SPARCL1: variants seen among roughly 807,000 people sequenced by gnomAD.
SPARCL1 encodes the protein SPARC-like protein 1.
Under a neutral mutation model 67.1 loss-of-function variants are expected in SPARCL1, and 52 were observed. That is an observed-to-expected ratio of 0.78 (90% CI 0.62 to 0.98). The LOEUF (loss-of-function observed/expected upper bound fraction) is 0.98. Ranked by LOEUF, SPARCL1 falls within the 50% of genes least tolerant of loss-of-function variation. The pLI is 0.00. For synonymous variants in SPARCL1, 226 were observed against 267.8 expected (o/e 0.84, Z 1.52); for missense variants, 717 against 782.4 (o/e 0.92, Z 1.00).
At chr4:87,493,165 CA>C (rs1457757735) in intron 4 of SPARCL1, among the ~76,000 whole-genome samples, 2 of 152,156 alleles carry the variant, frequency 1.3e-5, no homozygotes, top group African/African-American at 2.4e-5. Context: ...ACTCAAGGGA[CA>C]GGCTGGAAAT....
intron 4 of SPARCL1, 107 bp downstream of exon 4, chr4:87,493,475 T>C: frequency 1.1e-6 from 1 of 927,908 alleles, no homozygotes; most frequent in South Asian, 1.8e-5. Flanking sequence ...TTTAGTAATG[T>C]ACTAGTAGAC....
chr4:87,525,899 T>C (rs1726018380), intron 1 of SPARCL1, among the ~76,000 whole-genome samples: 1 of 152,042 alleles, frequency 6.6e-6, no homozygotes, highest in African/African-American at 2.4e-5. Context: ...TACATTTCAA[T>C]GCTAGGAACA....
chr4:87,514,238 T>C (rs955668829), intron 1 of SPARCL1, among the ~76,000 whole-genome samples: 3 of 152,116 alleles, frequency 2.0e-5, no homozygotes, highest in African/African-American at 7.2e-5. Flanking sequence ...TATTCTCAGG[T>C]AAGAGGTATG....
rs931045414 is a variant in SPARCL1, at chr4:87,477,171, G to T, written c.1966+2259C>A. 2.6e-5 allele frequency among the ~76,000 whole-genome samples: 4 copies of T among 152,360 alleles called. 1 individual carries two copies. The highest frequency in any genetic ancestry group is 2.6e-4 in the Admixed American group (4 of 15,302). ...GAGCTTACACACTGAAGAGCTGCCA[G>T]AAGCTTTGCAAAAGGAAGAATGAGA... On this transcript the variant is annotated intron_variant, in intron 10 of 10. Coordinates refer to ENST00000282470, the MANE Select transcript of SPARCL1 (RefSeq NM_004684.6).
chr4:87,501,464 C>G (rs750836026), intron 1 of SPARCL1, among the ~76,000 whole-genome samples: 1 of 152,038 alleles, frequency 6.6e-6, no homozygotes, highest in Non-Finnish European at 1.5e-5. Context: ...TTACCCTTTA[C>G]TTGATACATA....
At chr4:87,473,891 A>T in intron 10 of SPARCL1, 88 bp from the exon 11 acceptor site, 1 of 867,760 alleles carries the variant, frequency 1.2e-6, no homozygotes, top group Non-Finnish European at 1.9e-6. Context: ...GATTAGAGAA[A>T]CCATCTAATA....
chr4:87,491,874 G>A (rs1349424481), intron 4 of SPARCL1, among the ~76,000 whole-genome samples, 184 bp from the exon 5 acceptor site: 1 of 151,526 alleles, frequency 6.6e-6, no homozygotes, highest in Non-Finnish European at 1.5e-5. Flanking sequence ...GGAGGCCAAG[G>A]TGGGAGGATC....
chr4:87,510,244 GGC>G (rs1411155552), intron 1 of SPARCL1, among the ~76,000 whole-genome samples: 1 of 151,974 alleles, frequency 6.6e-6, no homozygotes, highest in Non-Finnish European at 1.5e-5. Context: ...TCTGTTCAGT[GGC>G]GTCATGTTGG....
At chr4:87,489,233 G>A (rs899425136) in intron 7 of SPARCL1, among the ~76,000 whole-genome samples, 1 of 152,210 alleles carries the variant, frequency 6.6e-6, no homozygotes, top group African/African-American at 2.4e-5. Flanking sequence ...GCACCCGAAG[G>A]AATCTCCTGG....
chr4:87,490,907 G>A lies in SPARCL1; in HGVS notation c.1292-29C>T, dbSNP rs1724301489. 3.1e-6 allele frequency: 4 copies of A among 1,281,094 alleles called. No individual in the cohort carries two copies. In the East Asian group the frequency reaches 9.6e-5, roughly 31 times the overall value. 79.4% of individuals were successfully genotyped at this position (1,281,094 alleles called of 1,614,324 possible). ...ACAGAAAAGATTGGGCAGGAAGCAT[G>A]GACAAAGTTAAATTGAGTATGTAAA... is the stretch of plus-strand genomic sequence containing the variant. On this transcript the variant is annotated intron_variant, in intron 5 of 10. Coordinates refer to ENST00000282470, the MANE Select transcript of SPARCL1 (RefSeq NM_004684.6).
intron 10 of SPARCL1, among the ~76,000 whole-genome samples, chr4:87,474,743 CTTT>C (rs11397474): frequency 2.3e-5 from 3 of 130,694 alleles, no homozygotes; most frequent in African/African-American, 3.0e-5. Context: ...CTCTCTCTCT[CTTT>C]TTTTTTTTTT....
rs1481413583 is a variant in SPARCL1 at position 87,498,884 on chromosome 4, T to G, written c.54+637A>C. Among the ~76,000 whole-genome samples, 6 of 151,672 alleles carry G rather than the reference T, an allele frequency of 4.0e-5. No individual in the cohort carries two copies. The East Asian group carries it at 1.2e-3, about 29-fold the overall frequency. On this transcript the variant is annotated intron_variant, in intron 2 of 10. Coordinates refer to ENST00000282470, the MANE Select transcript of SPARCL1 (RefSeq NM_004684.6). ...CGTGGATATGCACCCTAAGTATTTT[T>G]TTTTTTTCAGACGGAGTCTCACTCT...
chr4:87,473,687 A>G lies in SPARCL1; in HGVS notation c.*88T>C, dbSNP rs1484007736. On this transcript the variant is annotated 3_prime_UTR_variant, in exon 11 of 11. Coordinates refer to ENST00000282470, the MANE Select transcript of SPARCL1 (RefSeq NM_004684.6). ...TACATGCTAACATTTTGCTAAATAT[A>G]AATCTACAAGTATCACAGCTGCATA... is the stretch of plus-strand genomic sequence containing the variant. The G allele has an allele frequency of 1.8e-5, 17 of 942,224 alleles. No homozygotes were observed. Among genetic ancestry groups the G allele is most frequent in the South Asian group, 1.2e-4 (7 of 57,304 alleles). 58.4% of individuals were successfully genotyped at this position (942,224 alleles called of 1,614,324 possible).
intron 7 of SPARCL1, among the ~76,000 whole-genome samples, chr4:87,485,455 G>T: frequency 6.6e-6 from 1 of 151,894 alleles, no homozygotes; most frequent in East Asian, 1.9e-4. Context: ...ATGTGCTCCT[G>T]GATTTGGTTT....
Position 87,473,753 on chromosome 4 carries a change from T to C in SPARCL1, c.*22A>G, listed in dbSNP as rs1723443005. On this transcript the variant is annotated 3_prime_UTR_variant, in exon 11 of 11. Coordinates refer to ENST00000282470, the MANE Select transcript of SPARCL1 (RefSeq NM_004684.6). ...TAGAACAGAGGAGGATGCTGGAAAG[T>C]TGAGTTCTTTAAAATCTTCGTTCAA... is the stretch of plus-strand genomic sequence containing the variant. 1.9e-6 allele frequency: 3 copies of C among 1,591,814 alleles called. No individual in the cohort carries two copies. In the African/African-American group the frequency reaches 4.0e-5, roughly 21 times the overall value.
rs370529794 is a variant in SPARCL1 at position 87,473,804 on chromosome 4, C to G, written c.1967-1G>C. The stretch of plus-strand genomic sequence containing the variant: ...AACAAGAGATTTTCATCTATGTCCT[C>G]TATAAAAAAACAAGAAGCAAAATGA... On this transcript the variant is annotated splice_acceptor_variant, in intron 10 of 10. Coordinates refer to ENST00000282470, the MANE Select transcript of SPARCL1 (RefSeq NM_004684.6). LOFTEE classifies it high-confidence loss of function. The G allele has an allele frequency of 6.2e-7, 1 of 1,604,312 alleles. No homozygotes were observed. The highest frequency in any genetic ancestry group is 2.2e-5 in the East Asian group (1 of 44,720).
intron 4 of SPARCL1, among the ~76,000 whole-genome samples, chr4:87,492,444 A>C (rs1022948557): frequency 3.3e-5 from 5 of 151,962 alleles, no homozygotes; most frequent in Non-Finnish European, 5.9e-5. Context: ...GAAAAAAGAA[A>C]GGGAAATCAG....
At chr4:87,494,822 C>T (rs957645166) in intron 3 of SPARCL1, among the ~76,000 whole-genome samples, 159 bp downstream of exon 3, 1 of 152,074 alleles carries the variant, frequency 6.6e-6, no homozygotes, top group Non-Finnish European at 1.5e-5. Context: ...CTCATTAATC[C>T]TCATCATTCT....
Position 87,494,444 on chromosome 4 carries a change from G to A in SPARCL1, c.356C>T (p.Thr119Ile), listed in dbSNP as rs150861509. ...VNLEYAPTEG[T>I]LDIKEDMSEP... ...ACTCATATCTTCTTTTATGTCCAATGTACCTTCAGTTGGTGCATACTCCAA... is the reference window on the plus strand; with the variant it reads ...ACTCATATCTTCTTTTATGTCCAATATACCTTCAGTTGGTGCATACTCCAA... The change falls in exon 4 of 11, where the codon ACA (threonine) becomes ATA (isoleucine). Residue 119 changes from threonine (T) to isoleucine (I), a missense_variant. By Grantham distance (89) the Thr-to-Ile change is moderately conservative (BLOSUM62 -1). Coordinates refer to ENST00000282470, the MANE Select transcript of SPARCL1 (RefSeq NM_004684.6). 448 of 1,614,050 alleles carry A rather than the reference G, an allele frequency of 2.8e-4. No homozygotes were observed. The highest frequency in any genetic ancestry group is 3.3e-4 in the Non-Finnish European group (387 of 1,180,006).
Sources: allele counts gnomAD v4.1 joint callset (sites outside exome capture counted in the v4.1 genomes callset), GRCh38; gene constraint gnomAD v4.1.1; transcripts MANE v1.5; gene names NCBI Gene and HGNC (gene_info 2026-07-23, HGNC 2026-07-21).